The following SIN3B variants were observed in gnomAD, a reference collection of about 807,000 sequenced individuals.
SIN3B encodes the protein SIN3 transcription regulator family member B.
In SIN3B, 19 loss-of-function variants were observed where a neutral mutation model predicts 120.2. That is an observed-to-expected ratio of 0.16 (90% CI 0.11 to 0.23). SIN3B has a LOEUF of 0.23. Ranked by LOEUF, SIN3B falls within the 10% of genes least tolerant of loss-of-function variation. SIN3B has a pLI of 1.00. For missense variants in SIN3B, 1,073 were observed against 1,573.0 expected (o/e 0.68, Z 5.38); for synonymous variants, 654 against 653.2 (o/e 1.00, Z -0.02).
intron 7 of SIN3B, among the ~76,000 whole-genome samples, chr19:16,853,478 T>C (rs763349631): frequency 1.3e-5 from 2 of 152,248 alleles, no homozygotes; most frequent in African/African-American, 2.4e-5. Context: ...GCCCAGGGTC[T>C]GTGGGCAGAG....
chr19:16,838,707 T>G (rs988301023), intron 3 of SIN3B, among the ~76,000 whole-genome samples: 1 of 152,140 alleles, frequency 6.6e-6, no homozygotes, highest in African/African-American at 2.4e-5. Flanking sequence ...AGTCTCGCTC[T>G]GTCGCCCAGG....
chr19:16,862,897 C>T lies in SIN3B; in HGVS notation c.1266+338C>T, dbSNP rs1315256744. The T allele has an allele frequency of 1.2e-6, 2 of 1,614,030 alleles. No individual in the cohort carries two copies. Among genetic ancestry groups the T allele is most frequent in the Non-Finnish European group, 1.7e-6 (2 of 1,179,840 alleles). ...GTTTCTGTTTAGCTTGACCATTGGACACTTCTCCAGGGTTCGTGGACAGAC... is the reference window on the plus strand; with the variant it reads ...GTTTCTGTTTAGCTTGACCATTGGATACTTCTCCAGGGTTCGTGGACAGAC... On this transcript the variant is annotated intron_variant, in intron 9 of 18. Coordinates refer to ENST00000248054, the MANE Select transcript of SIN3B (RefSeq NM_001297595.2). The surrounding 1 kb of genome is among the most constrained non-coding windows in gnomAD (Gnocchi z 4.7).
chr19:16,867,326 T>C (rs1217260341), intron 12 of SIN3B, among the ~76,000 whole-genome samples: 5 of 152,204 alleles, frequency 3.3e-5, no homozygotes, highest in Non-Finnish European at 2.9e-5. Context: ...TCTGAGTCAT[T>C]GGGTTCGAGG....
chr19:16,846,693 C>G (rs113694081), intron 4 of SIN3B, among the ~76,000 whole-genome samples: 4 of 152,272 alleles, frequency 2.6e-5, no homozygotes, highest in African/African-American at 9.6e-5. Flanking sequence ...ACTTCCCCGG[C>G]CCACCCCTGA....
chr19:16,865,312 C>CG lies in SIN3B; in HGVS notation c.1384-98_1384-97insG, dbSNP rs893705095. 119 of 558,512 alleles carry CG rather than the reference C, an allele frequency of 2.1e-4. 10 individuals carry two copies. The highest frequency in any genetic ancestry group is 2.1e-4 in the Non-Finnish European group (64 of 304,468). 34.6% of individuals were successfully genotyped at this position (558,512 alleles called of 1,614,324 possible). ...CTATCTCTTAAATACACACACCCCC[C>CG]CCCCAAAAAAATCCTCTGGTCTCTG... On this transcript the variant is annotated intron_variant, in intron 10 of 18. Coordinates refer to ENST00000248054, the MANE Select transcript of SIN3B (RefSeq NM_001297595.2).
At chr19:16,850,261 A>G (rs1443785119) in intron 5 of SIN3B, among the ~76,000 whole-genome samples, 2 of 152,148 alleles carry the variant, frequency 1.3e-5, no homozygotes, top group South Asian at 2.1e-4. Context: ...AAGAGTATCA[A>G]ATTTTTAATG....
chr19:16,834,914 TTTTC>T (rs1435410855), intron 3 of SIN3B, among the ~76,000 whole-genome samples: 101 of 151,586 alleles, frequency 6.7e-4, no homozygotes, highest in African/African-American at 2.3e-3. Context: ...TCTTTCTTTC[TTTTC>T]TTTCTTTTTT....
At chr19:16,841,735 G>T (rs371778007) in intron 3 of SIN3B, 33 bp from the exon 4 acceptor site, 5 of 1,596,406 alleles carry the variant, frequency 3.1e-6, no homozygotes, top group Admixed American at 3.3e-5. Flanking sequence ...TTCCAGTGTC[G>T]GGCCTGGCAG....
intron 12 of SIN3B, among the ~76,000 whole-genome samples, chr19:16,868,590 G>A (rs2144618852): frequency 6.6e-6 from 1 of 152,362 alleles, no homozygotes; most frequent in South Asian, 2.1e-4. Context: ...TTTCCAGGGA[G>A]TGAGAGCAGA....
At position 16,854,570 on chromosome 19, in the gene SIN3B, A is replaced by G. The variant is rs770669246; in HGVS notation, c.1058+309A>G. 17 of 236,758 alleles carry G rather than the reference A, an allele frequency of 7.2e-5. 1 individual carries two copies. The highest frequency in any genetic ancestry group is 5.3e-4 in the South Asian group (8 of 15,176). The allele number at this position is 236,758 out of a possible 1,614,324, so 14.7% of individuals were successfully genotyped here. A position where few individuals can be genotyped will look rare whatever the true frequency, so the allele number is the denominator to read the frequency against. Reference sequence around the variant, plus strand: ...ACACCGATGAGAAAAGAAGACATTCATTTCTGGTCTGAGTGGAGTTTGCAC... The same window carrying G: ...ACACCGATGAGAAAAGAAGACATTCGTTTCTGGTCTGAGTGGAGTTTGCAC... On this transcript the variant is annotated intron_variant, in intron 8 of 18. Coordinates refer to ENST00000248054, the MANE Select transcript of SIN3B (RefSeq NM_001297595.2).
At chr19:16,851,608 AG>A in intron 6 of SIN3B, 74 bp downstream of exon 6, 1 of 1,488,538 alleles carries the variant, frequency 6.7e-7, no homozygotes, top group Non-Finnish European at 8.9e-7. Context: ...GCATGTGACC[AG>A]GGAACAGAGG....
chr19:16,864,677 C>A (rs1466634182), intron 10 of SIN3B, among the ~76,000 whole-genome samples: 1 of 151,434 alleles, frequency 6.6e-6, no homozygotes, highest in African/African-American at 2.4e-5. Context: ...ATTGCCCAGG[C>A]TACATTAATT....
chr19:16,863,645 TGCA>T, intron 9 of SIN3B, 32 bp from the exon 10 acceptor site: 1 of 1,377,984 alleles, frequency 7.3e-7, no homozygotes, highest in Non-Finnish European at 1.0e-6. Flanking sequence ...TCCTGGGGCA[TGCA>T]GCGTCATTCA....
chr19:16,843,020 C>T (rs867819535), intron 4 of SIN3B, among the ~76,000 whole-genome samples: 1 of 152,180 alleles, frequency 6.6e-6, no homozygotes, highest in African/African-American at 2.4e-5. Context: ...ACATCTGTGT[C>T]GTGAGTGGGG....
intron 13 of SIN3B, among the ~76,000 whole-genome samples, 174 bp from the exon 14 acceptor site, chr19:16,871,055 G>A (rs1245607189): frequency 6.6e-6 from 1 of 152,250 alleles, no homozygotes; most frequent in African/African-American, 2.4e-5. Context: ...GAGGGTGGCA[G>A]TGAACACCAG....
intron 3 of SIN3B, among the ~76,000 whole-genome samples, chr19:16,836,085 C>T (rs1297827225): frequency 6.6e-6 from 1 of 152,212 alleles, no homozygotes; most frequent in Admixed American, 6.5e-5. Flanking sequence ...GAGTCCCAGC[C>T]TCGGGCAGCC....
At chr19:16,873,820 C>T (rs1480134072) in intron 14 of SIN3B, among the ~76,000 whole-genome samples, 1 of 152,238 alleles carries the variant, frequency 6.6e-6, no homozygotes, top group African/African-American at 2.4e-5. Context: ...GGCCCCTCCA[C>T]ACTGTTTGTA....
intron 10 of SIN3B, chr19:16,865,147 A>G (rs940847534): frequency 1.1e-5 from 4 of 359,176 alleles, no homozygotes; most frequent in South Asian, 7.0e-5. Context: ...TTTTTTAATT[A>G]GCCAGGCATG....
chr19:16,847,656 C>T (rs1971496123), intron 5 of SIN3B, among the ~76,000 whole-genome samples: 1 of 152,200 alleles, frequency 6.6e-6, no homozygotes, highest in African/African-American at 2.4e-5. Context: ...GCACAGTCAG[C>T]CTTTCTCCCC....
Sources: allele counts gnomAD v4.1 joint callset (sites outside exome capture counted in the v4.1 genomes callset), GRCh38; gene constraint gnomAD v4.1.1; non-coding constraint Gnocchi (gnomAD v3.1); transcripts MANE v1.5; gene names NCBI Gene and HGNC (gene_info 2026-07-23, HGNC 2026-07-21).